Variants in SLC41A2 observed in about 807,000 individuals in gnomAD.
SLC41A2 encodes solute carrier family 41 member 2.
A neutral mutation model predicts 58.3 loss-of-function variants in SLC41A2; 32 were observed. The observed-to-expected ratio is 0.55, with a 90% CI of 0.41 to 0.74. The LOEUF (loss-of-function observed/expected upper bound fraction) is 0.74. Ranked by LOEUF, SLC41A2 falls within the 30% of genes least tolerant of loss-of-function variation. The pLI is 0.00. For missense variants in SLC41A2, 514 were observed against 680.6 expected (o/e 0.76, Z 2.72); for synonymous variants, 190 against 235.0 (o/e 0.81, Z 1.75).
At chr12:104,871,468 A>G (rs1167438357) in intron 6 of SLC41A2, among the ~76,000 whole-genome samples, 3 of 152,202 alleles carry the variant, frequency 2.0e-5, no homozygotes, top group African/African-American at 7.2e-5. Context: ...CCTGCAAGCC[A>G]CACAAAAGTA....
chr12:104,827,828 C>T (rs1162824486), intron 10 of SLC41A2, among the ~76,000 whole-genome samples: 2 of 152,078 alleles, frequency 1.3e-5, no homozygotes, highest in African/African-American at 4.8e-5. Context: ...CATATTCTAA[C>T]GGCAGTAAGA....
At chr12:104,937,905 T>A (rs905697267) in intron 1 of SLC41A2, among the ~76,000 whole-genome samples, 1 of 152,186 alleles carries the variant, frequency 6.6e-6, no homozygotes, top group South Asian at 2.1e-4. Context: ...ATGTAAGCAG[T>A]GGTAATGCAT....
At chr12:104,834,696 A>G (rs2042149996) in intron 10 of SLC41A2, among the ~76,000 whole-genome samples, 1 of 152,042 alleles carries the variant, frequency 6.6e-6, no homozygotes, top group South Asian at 2.1e-4. Flanking sequence ...AAAAAAAAAG[A>G]CATAACTACA....
At chr12:104,809,247 G>A (rs932618979) in intron 10 of SLC41A2, among the ~76,000 whole-genome samples, 1 of 152,220 alleles carries the variant, frequency 6.6e-6, no homozygotes, top group African/African-American at 2.4e-5. Context: ...CCTGGTATGT[G>A]CAGGAGGAAG....
intron 10 of SLC41A2, among the ~76,000 whole-genome samples, chr12:104,830,219 T>C (rs2041992730): frequency 6.6e-6 from 1 of 152,252 alleles, no homozygotes; most frequent in Non-Finnish European, 1.5e-5. Context: ...GTTGTCCCTC[T>C]ATATCCATGG....
chr12:104,916,825 A>C (rs943111623), intron 2 of SLC41A2, among the ~76,000 whole-genome samples: 2 of 152,136 alleles, frequency 1.3e-5, no homozygotes, highest in Non-Finnish European at 2.9e-5. Flanking sequence ...AAATTAATTC[A>C]AGATGGATTA....
intron 10 of SLC41A2, among the ~76,000 whole-genome samples, chr12:104,837,765 G>A (rs2042263058): frequency 6.6e-6 from 1 of 152,100 alleles, no homozygotes; most frequent in South Asian, 2.1e-4. Flanking sequence ...CAATAAGCAT[G>A]ATAAACTGCA....
intron 2 of SLC41A2, among the ~76,000 whole-genome samples, chr12:104,913,421 TTTTG>T (rs2046168393): frequency 6.6e-6 from 1 of 152,152 alleles, no homozygotes; most frequent in African/African-American, 2.4e-5. Context: ...TCCCACCCTC[TTTTG>T]TAGTTTCAGC....
intron 10 of SLC41A2, among the ~76,000 whole-genome samples, chr12:104,832,130 G>A (rs1349352930): frequency 6.6e-6 from 1 of 152,058 alleles, no homozygotes; most frequent in African/African-American, 2.4e-5. Context: ...ATGATCCATG[G>A]GAATTGACTA....
intron 1 of SLC41A2, among the ~76,000 whole-genome samples, chr12:104,948,472 T>C (rs2047818938): frequency 6.6e-6 from 1 of 152,200 alleles, no homozygotes; most frequent in South Asian, 2.1e-4. Context: ...AGAATTGCTT[T>C]CTCTTATATA....
At chr12:104,873,843 C>T (rs957880695) in intron 6 of SLC41A2, among the ~76,000 whole-genome samples, 1 of 152,064 alleles carries the variant, frequency 6.6e-6, no homozygotes, top group South Asian at 2.1e-4. Context: ...GAAATGTCTA[C>T]TCAGGTCCTT....
chr12:104,905,754 G>A (rs943938226), intron 3 of SLC41A2, among the ~76,000 whole-genome samples: 9 of 152,256 alleles, frequency 5.9e-5, no homozygotes, highest in Admixed American at 1.3e-4. Context: ...CCACTGGCCC[G>A]GGTGCTAAGT....
chr12:104,953,376 C>T (rs532269013), intron 1 of SLC41A2, among the ~76,000 whole-genome samples: 56 of 152,348 alleles, frequency 3.7e-4, no homozygotes, highest in Admixed American at 1.8e-3. Context: ...AGAACTTTCA[C>T]TCCTCTAAGT....
chr12:104,825,413 C>G (rs191451545), intron 10 of SLC41A2, among the ~76,000 whole-genome samples: 1 of 152,292 alleles, frequency 6.6e-6, no homozygotes, highest in Admixed American at 6.5e-5. Context: ...TCTCCTTTGG[C>G]CAAGGAATTC....
chr12:104,904,579 G>A (rs568947940), intron 3 of SLC41A2, among the ~76,000 whole-genome samples: 2 of 119,052 alleles, frequency 1.7e-5, no homozygotes, highest in East Asian at 2.1e-4. Flanking sequence ...GAATGAAGCC[G>A]CGGACCCTCG....
At chr12:104,881,147 G>A (rs1425248549) in intron 6 of SLC41A2, among the ~76,000 whole-genome samples, 1 of 151,912 alleles carries the variant, frequency 6.6e-6, no homozygotes, top group Non-Finnish European at 1.5e-5. Context: ...TATTTCTGTG[G>A]GATTGGTGGT....
intron 2 of SLC41A2, among the ~76,000 whole-genome samples, chr12:104,910,750 T>C (rs189328430): frequency 9.7e-4 from 147 of 152,316 alleles, no homozygotes; most frequent in African/African-American, 3.2e-3. Flanking sequence ...CAGTCTTTAG[T>C]ATAGCATCAC....
chr12:104,807,755 T>C (rs10861278), intron 10 of SLC41A2, among the ~76,000 whole-genome samples: 75,283 of 152,004 alleles, frequency 0.5, 19,381 homozygotes, highest in Middle Eastern at 0.57. Context: ...CAGTGGCTTG[T>C]AGTTCTCCTT....
chr12:104,836,044 A>G (rs772870867), intron 10 of SLC41A2, among the ~76,000 whole-genome samples: 10 of 152,154 alleles, frequency 6.6e-5, no homozygotes, highest in Non-Finnish European at 1.5e-4. Context: ...GGGTTTCACC[A>G]TGTTGGCCAG....
Sources: gnomAD v4.1 joint callset for allele counts (sites outside exome capture counted in the v4.1 genomes callset) on GRCh38, gnomAD v4.1.1 for gene constraint, MANE v1.5 for transcripts, NCBI Gene and HGNC (gene_info 2026-07-23, HGNC 2026-07-21) for gene names.